The following CLVS1 variants were observed in gnomAD, a reference collection of about 807,000 sequenced individuals.
CLVS1 encodes clavesin 1, also known as clavesin-1.
In CLVS1, 10 loss-of-function variants were observed where a neutral mutation model predicts 33.1. The observed-to-expected ratio is 0.30, with a 90% CI of 0.19 to 0.51. The LOEUF (loss-of-function observed/expected upper bound fraction) is 0.51, where lower values mean the gene tolerates loss of function less well. Ranked by LOEUF, CLVS1 falls within the 20% of genes least tolerant of loss-of-function variation. The probability of loss-of-function intolerance (pLI) is 0.97; values close to 1 mark genes in which losing one functional copy is unlikely to be tolerated. For synonymous variants in CLVS1, 163 were observed against 166.1 expected (o/e 0.98, Z 0.14); for missense variants, 343 against 433.4 (o/e 0.79, Z 1.85).
intron 3 of CLVS1, among the ~76,000 whole-genome samples, chr8:61,414,057 G>T (rs1294667445): frequency 2.0e-5 from 3 of 152,160 alleles, no homozygotes; most frequent in Non-Finnish European, 4.4e-5. Context: ...ATGTGAGTAT[G>T]GTGTGTGCCC....
At chr8:61,052,164 C>A (rs1804396953), upstream of CLVS1, among the ~76,000 whole-genome samples, 1 of 152,234 alleles carries the variant, frequency 6.6e-6, no homozygotes, top group Non-Finnish European at 1.5e-5. Context: ...ATTCATCAGT[C>A]ATTGCAAGCT....
chr8:61,090,031 T>A (rs3940483), intron 1 of CLVS1, among the ~76,000 whole-genome samples: 1 of 152,156 alleles, frequency 6.6e-6, no homozygotes, highest in African/African-American at 2.4e-5. Context: ...TAATACCTCC[T>A]GCTGTTATTT....
At chr8:61,281,647 T>C (rs1183940971) in intron 2 of CLVS1, among the ~76,000 whole-genome samples, 3 of 152,178 alleles carry the variant, frequency 2.0e-5, no homozygotes, top group African/African-American at 7.2e-5. Flanking sequence ...AACACACTAG[T>C]ACAGAGAGTG....
chr8:61,331,846 C>G (rs951770674), intron 2 of CLVS1, among the ~76,000 whole-genome samples: 1 of 150,382 alleles, frequency 6.6e-6, no homozygotes, highest in African/African-American at 2.5e-5. Flanking sequence ...TCCTCCTCCT[C>G]CTCCTTCTTC....
the CLVS1 span, among the ~76,000 whole-genome samples, chr8:61,008,587 T>C: frequency 6.6e-6 from 1 of 151,958 alleles, no homozygotes; most frequent in Non-Finnish European, 1.5e-5. Context: ...CTGCCTCAGC[T>C]TCCCCAAGTA....
At chr8:61,027,518 A>T in the CLVS1 span, among the ~76,000 whole-genome samples, 3 of 152,096 alleles carry the variant, frequency 2.0e-5, no homozygotes, top group African/African-American at 7.2e-5. Context: ...TGGGGTTCAT[A>T]TCTCAAGACC....
intron 3 of CLVS1, among the ~76,000 whole-genome samples, chr8:61,435,582 A>G (rs1816300186): frequency 6.6e-6 from 1 of 151,958 alleles, no homozygotes; most frequent in African/African-American, 2.4e-5. Context: ...TAGGTGGCTT[A>G]AAAGGGGTAG....
upstream of CLVS1, among the ~76,000 whole-genome samples, chr8:61,284,907 C>G (rs1809744891): frequency 6.6e-6 from 1 of 152,080 alleles, no homozygotes; most frequent in African/African-American, 2.4e-5. Context: ...TCCAGAGAGA[C>G]TCACATACAT....
chr8:61,279,954 A>G (rs974700131), intron 2 of CLVS1, among the ~76,000 whole-genome samples: 1 of 151,942 alleles, frequency 6.6e-6, no homozygotes, highest in African/African-American at 2.4e-5. Flanking sequence ...TTACATGAAT[A>G]AAAGAGTGTG....
chr8:61,057,108 G>C (rs1264217812), upstream of CLVS1: 2 of 152,142 alleles, frequency 1.3e-5, no homozygotes, highest in Admixed American at 1.3e-4. Flanking sequence ...CCACATGACT[G>C]CCTACTAAGA....
chr8:61,324,313 G>A (rs568262820), intron 2 of CLVS1, among the ~76,000 whole-genome samples: 1 of 151,468 alleles, frequency 6.6e-6, no homozygotes, highest in African/African-American at 2.4e-5. Flanking sequence ...CATGAGATTG[G>A]ATGGTTTTAT....
intron 2 of CLVS1, among the ~76,000 whole-genome samples, chr8:61,217,011 T>TA (rs1224873914): frequency 1.3e-5 from 2 of 152,206 alleles, no homozygotes; most frequent in African/African-American, 4.8e-5. Flanking sequence ...ATCACTCATC[T>TA]AGGTCTAAAT....
At chr8:61,304,505 G>A (rs2129594999) in intron 2 of CLVS1, among the ~76,000 whole-genome samples, 1 of 152,296 alleles carries the variant, frequency 6.6e-6, no homozygotes, top group Non-Finnish European at 1.5e-5. Flanking sequence ...AATGAACTTG[G>A]CCCTCCCAGA....
At chr8:60,971,197 C>T in the CLVS1 span, among the ~76,000 whole-genome samples, 1 of 151,310 alleles carries the variant, frequency 6.6e-6, no homozygotes, top group Non-Finnish European at 1.5e-5. Flanking sequence ...CCACCTCAGC[C>T]TTGCGAGTAG....
At chr8:61,496,893 C>G (rs1804285869) in intron 5 of CLVS1, among the ~76,000 whole-genome samples, 1 of 152,166 alleles carries the variant, frequency 6.6e-6, no homozygotes, top group African/African-American at 2.4e-5. Flanking sequence ...CTGTCAACAT[C>G]TCCACTTTCT....
chr8:61,081,513 T>G (rs576540113), intron 1 of CLVS1, among the ~76,000 whole-genome samples: 2 of 152,114 alleles, frequency 1.3e-5, no homozygotes, highest in East Asian at 3.9e-4. Flanking sequence ...TGCTGCAGGA[T>G]TTTTCTCCTG....
intron 1 of CLVS1, among the ~76,000 whole-genome samples, chr8:61,068,832 A>G (rs1804734388): frequency 6.6e-6 from 1 of 152,032 alleles, no homozygotes; most frequent in Non-Finnish European, 1.5e-5. Flanking sequence ...GGTCTCTCGA[A>G]TTGTTCCTTC....
In CLVS1 at chr8:61,182,160, C is replaced by T. The variant is rs1435496766; in HGVS notation, c.-152+50300C>T. Among the ~76,000 whole-genome samples the T allele has an allele frequency of 2.0e-5, 3 of 152,152 alleles. 1 individual carries two copies. Among genetic ancestry groups the T allele is most frequent in the Admixed American group, 6.5e-5 (1 of 15,274 alleles). ...AAATGAAAACTGGACCCCTTCCTTA[C>T]ACCTTATACAAAAATTAACTCAAGA... On this transcript the variant is annotated intron_variant, in intron 2 of 2. Transcript: ENST00000522621.
chr8:61,128,954 C>T (rs1391504500), intron 1 of CLVS1, among the ~76,000 whole-genome samples: 3 of 152,112 alleles, frequency 2.0e-5, no homozygotes, highest in African/African-American at 7.2e-5. Context: ...TGTTTCTCTC[C>T]TGTTATTGGA....
Sources: gnomAD v4.1 joint callset for allele counts (sites outside exome capture counted in the v4.1 genomes callset) on GRCh38, gnomAD v4.1.1 for gene constraint, MANE v1.5 for transcripts, NCBI Gene and HGNC (gene_info 2026-07-23, HGNC 2026-07-21) for gene names.